ERCC8: variants seen among roughly 807,000 people sequenced by gnomAD.
The protein encoded by ERCC8 is DNA excision repair protein ERCC-8.
ERCC8 carries 52 observed loss-of-function variants against 54.9 expected under a neutral mutation model. The observed-to-expected ratio is 0.95, with a 90% CI of 0.76 to 1.19. The LOEUF (loss-of-function observed/expected upper bound fraction) is 1.19, where lower values mean the gene tolerates loss of function less well. Among genes scored for constraint, ERCC8 ranks in the 50% most tolerant of loss-of-function variants. ERCC8 has a pLI of 0.00. For synonymous variants in ERCC8, 146 were observed against 157.2 expected (o/e 0.93, Z 0.53); for missense variants, 514 against 466.1 (o/e 1.10, Z -0.95).
Position 60,870,265 on chromosome 5 carries a change from C to A in ERCC8, c.*4350G>T, listed in dbSNP as rs1747832952. Among the ~76,000 whole-genome samples, 1 of 151,876 alleles carries A rather than the reference C, an allele frequency of 6.6e-6. No individual in the cohort carries two copies. Among genetic ancestry groups the A allele is most frequent in the South Asian group, 2.1e-4 (1 of 4,816 alleles). ...AAAACAAGTAATTATTAAGCACCTA[C>A]TACATGCCAACTACAGTTCTAAGAA... On this transcript the variant is annotated 3_prime_UTR_variant, in exon 12 of 12. Transcript: ENST00000676185.
Position 60,900,996 on chromosome 5 carries a change from T to C in ERCC8, c.618-1269A>G, listed in dbSNP as rs1392693698. Among the ~76,000 whole-genome samples, 4 of 152,088 alleles carry C rather than the reference T, an allele frequency of 2.6e-5. 1 individual carries two copies. The East Asian group carries it at 7.7e-4, about 29-fold the overall frequency. On this transcript the variant is annotated intron_variant, in intron 7 of 11. Coordinates refer to ENST00000676185, the MANE Select transcript of ERCC8 (RefSeq NM_000082.4). ...AATCATAAATTTCAACATCACATTC[T>C]GCCAGTTATTAACAGAAGCTTCTTT...
chr5:60,911,554 A>G (rs564529346), intron 4 of ERCC8, among the ~76,000 whole-genome samples: 239 of 151,858 alleles, frequency 1.6e-3, no homozygotes, highest in Middle Eastern at 6.8e-3. Context: ...ATGTTCACTT[A>G]ATGGTAGTTT....
chr5:60,929,790 G>A lies in ERCC8; in HGVS notation c.78-831C>T, dbSNP rs1580041650. 7.2e-5 allele frequency among the ~76,000 whole-genome samples: 11 copies of A among 152,230 alleles called. No homozygotes were observed. In the South Asian group the frequency reaches 2.3e-3, roughly 32 times the overall value. On this transcript the variant is annotated intron_variant, in intron 1 of 11. Transcript: ENST00000676185. ...GTATATAAAAGGTGCTAATTACAAT[G>A]CCTAGTACATTGTAAGTATCTAGCG... is the stretch of plus-strand genomic sequence containing the variant.
chr5:60,876,787 G>C (rs151003484), intron 11 of ERCC8, among the ~76,000 whole-genome samples: 1,839 of 152,272 alleles, frequency 0.012, 14 homozygotes, highest in South Asian at 0.027. Context: ...TTAGCCCTTT[G>C]TTAGATGAGT....
rs57423118 is a variant in ERCC8 at position 60,870,482 on chromosome 5, TAAAAAAAAAAAAAA to T, written c.*4119_*4132del. ...CAACATGGTGAAACCCCACCTCTGC[TAAAAAAAAAAAAAA>T]AAAAAAAAAAAAAAAATTAGCCAGG... On this transcript the variant is annotated 3_prime_UTR_variant, in exon 12 of 12. Coordinates refer to ENST00000676185, the MANE Select transcript of ERCC8 (RefSeq NM_000082.4). Among the ~76,000 whole-genome samples, 12,135 of 49,090 alleles carry T rather than the reference TAAAAAAAAAAAAAA, an allele frequency of 0.25. 773 individuals are homozygous for T. Among genetic ancestry groups the T allele is most frequent in the Middle Eastern group, 0.47 (37 of 78 alleles). The allele number at this position is 49,090 out of a possible 152,430, so 32.2% of individuals were successfully genotyped here.
At chr5:60,913,078 C>G (rs1440852494) in intron 4 of ERCC8, among the ~76,000 whole-genome samples, 2 of 152,018 alleles carry the variant, frequency 1.3e-5, no homozygotes, top group East Asian at 1.9e-4. Context: ...CTCTGCCAGG[C>G]TTTGTTATCA....
At chr5:60,915,332 A>G (rs1749401471) in intron 4 of ERCC8, 1 of 152,002 alleles carries the variant, frequency 6.6e-6, no homozygotes, top group Non-Finnish European at 1.5e-5. Flanking sequence ...GCGTTATGTT[A>G]TCCTCCTCTA....
In ERCC8 at chr5:60,898,282, G is replaced by C; in HGVS notation, c.837C>G (p.Asn279Lys). ...ATACTTAAAAATCTCTTACAAGTGT[G>C]TTTTCTCCATTGGAACTATTCCAGA... ...MRLWNSSNGE[N>K]TLVNYGKVCN... The change falls in exon 9 of 12, where the codon AAC becomes AAG. Residue 279 changes from asparagine (N) to lysine (K), a missense_variant. Coordinates refer to ENST00000676185, the MANE Select transcript of ERCC8 (RefSeq NM_000082.4). 1 of 1,613,394 alleles carries C rather than the reference G, an allele frequency of 6.2e-7. No individual in the cohort carries two copies. The highest frequency in any genetic ancestry group is 8.5e-7 in the Non-Finnish European group (1 of 1,179,504).
At chr5:60,922,837 T>C (rs1257191177) in intron 2 of ERCC8, among the ~76,000 whole-genome samples, 1 of 152,148 alleles carries the variant, frequency 6.6e-6, no homozygotes, top group East Asian at 1.9e-4. Flanking sequence ...AAACAAGTAG[T>C]ATGCATAATC....
rs1168797809 is a variant in ERCC8 at position 60,883,048 on chromosome 5, T to A, written c.1122+4392A>T. ...GCCACATGAGGGCCATGCTTCCTAA[T>A]CCTACTATGGAAGCCCAGTGTGTAA... On this transcript the variant is annotated intron_variant, in intron 11 of 11. Transcript: ENST00000676185. Among the ~76,000 whole-genome samples, 6 of 151,728 alleles carry A rather than the reference T, an allele frequency of 4.0e-5. No homozygotes were observed. The East Asian group carries it at 1.2e-3, about 29-fold the overall frequency.
chr5:60,875,531 G>A (rs1181879330), intron 11 of ERCC8, among the ~76,000 whole-genome samples: 1 of 152,202 alleles, frequency 6.6e-6, no homozygotes, highest in Non-Finnish European at 1.5e-5. Context: ...AGGGCTTTAA[G>A]ATGGTCTCAT....
chr5:60,920,999 G>C (rs1749584152), intron 3 of ERCC8, among the ~76,000 whole-genome samples: 1 of 151,820 alleles, frequency 6.6e-6, no homozygotes, highest in Non-Finnish European at 1.5e-5. Flanking sequence ...GAGTATTTGA[G>C]GCGATATCTT....
At chr5:60,928,568 C>T (rs972178165) in intron 2 of ERCC8, among the ~76,000 whole-genome samples, 1 of 152,006 alleles carries the variant, frequency 6.6e-6, no homozygotes, top group African/African-American at 2.4e-5. Flanking sequence ...TAAAATAGCA[C>T]CTAAAGACAC....
chr5:60,875,842 G>A (rs1040802312), intron 11 of ERCC8, among the ~76,000 whole-genome samples: 1 of 151,924 alleles, frequency 6.6e-6, no homozygotes, highest in Non-Finnish European at 1.5e-5. Context: ...GACTACAGAC[G>A]CCTGCCACCA....
chr5:60,874,771 A>C (rs1225098588), intron 11 of ERCC8, 88 bp from the exon 12 acceptor site: 1 of 1,084,938 alleles, frequency 9.2e-7, no homozygotes, highest in African/African-American at 1.6e-5. Context: ...GAAATATATC[A>C]GATAAATAGC....
intron 1 of ERCC8, among the ~76,000 whole-genome samples, chr5:60,933,216 CTTT>C (rs143139297): frequency 2.2e-5 from 2 of 89,482 alleles, no homozygotes; most frequent in Non-Finnish European, 4.1e-5. Context: ...CCTTTTTTTT[CTTT>C]TTTTTTTTTT....
In ERCC8 at chr5:60,945,048, T is replaced by G. The variant is rs370536140; in HGVS notation, c.-40A>C. The G allele has an allele frequency of 3.2e-6, 5 of 1,566,660 alleles. No homozygotes were observed. The highest frequency in any genetic ancestry group is 4.4e-6 in the Non-Finnish European group (5 of 1,136,638). ...CCGGCTGGAGCACTGGACGTCGCCA[T>G]GACAGAGCTCAGGGGCGGGACTGGA... On this transcript the variant is annotated 5_prime_UTR_variant, in exon 1 of 12. It removes an upstream start codon present in the reference 5' UTR. Coordinates refer to ENST00000676185, the MANE Select transcript of ERCC8 (RefSeq NM_000082.4).
chr5:60,913,117 A>G (rs1749320200), intron 4 of ERCC8, among the ~76,000 whole-genome samples: 1 of 152,102 alleles, frequency 6.6e-6, no homozygotes, highest in Admixed American at 6.5e-5. Flanking sequence ...AAAATGAGTT[A>G]GGGAGGATTC....
intron 4 of ERCC8, among the ~76,000 whole-genome samples, chr5:60,913,733 G>A (rs919261436): frequency 1.3e-5 from 2 of 152,106 alleles, no homozygotes; most frequent in Admixed American, 6.5e-5. Context: ...GGCATTTAGT[G>A]CTATAAATTT....
Sources: gnomAD v4.1 joint callset for allele counts (sites outside exome capture counted in the v4.1 genomes callset) on GRCh38, gnomAD v4.1.1 for gene constraint, MANE v1.5 for transcripts, NCBI Gene and HGNC (gene_info 2026-07-23, HGNC 2026-07-21) for gene names.